Variants in IL1RAPL1 observed in about 807,000 individuals in gnomAD.
IL1RAPL1 encodes interleukin-1 receptor accessory protein-like 1.
In IL1RAPL1, 3 loss-of-function variants were observed where a neutral mutation model predicts 48.4. The ratio of observed to expected loss-of-function variants is 0.06; its 90% CI spans 0.03 to 0.16. The LOEUF (loss-of-function observed/expected upper bound fraction) is 0.16, where lower values mean the gene tolerates loss of function less well. IL1RAPL1 is among the 10% of genes least tolerant of loss of function. The pLI is 1.00. For synonymous variants in IL1RAPL1, 185 were observed against 187.7 expected (o/e 0.99, Z 0.12); for missense variants, 349 against 530.6 (o/e 0.66, Z 3.36).
At chrX:29,567,217 C>G (rs1337044066) in intron 5 of IL1RAPL1, among the ~76,000 whole-genome samples, 3 of 98,488 alleles carry the variant, frequency 3.0e-5, no homozygotes, top group Non-Finnish European at 4.2e-5. Flanking sequence ...AGACTACCTA[C>G]AAAAAAAAAA....
At chrX:29,849,045 G>A (rs183915655) in intron 6 of IL1RAPL1, among the ~76,000 whole-genome samples, 13 of 110,386 alleles carry the variant, frequency 1.2e-4, no homozygotes, top group African/African-American at 4.3e-4. Context: ...GGGGTTACAG[G>A]CATGAGCCAC....
intron 6 of IL1RAPL1, among the ~76,000 whole-genome samples, chrX:29,856,110 A>G (rs1311783599): frequency 8.9e-6 from 1 of 112,012 alleles, no homozygotes; most frequent in African/African-American, 3.2e-5. Context: ...CCATGAATTG[A>G]GAGTTTTGGT....
intron 2 of IL1RAPL1, among the ~76,000 whole-genome samples, chrX:28,810,853 A>C (rs1485528739): frequency 9.1e-6 from 1 of 110,101 alleles, no homozygotes; most frequent in Non-Finnish European, 1.9e-5. Context: ...GAGCTGTGTT[A>C]ATTATTCCTG....
At chrX:29,161,799 C>T (rs1050688003) in intron 2 of IL1RAPL1, among the ~76,000 whole-genome samples, 16 of 111,936 alleles carry the variant, frequency 1.4e-4, no homozygotes, top group African/African-American at 4.9e-4. Context: ...GACAGTGTGG[C>T]GATTCCTTAA....
At chrX:29,558,822 T>C (rs1193559593) in intron 5 of IL1RAPL1, among the ~76,000 whole-genome samples, 2 of 111,753 alleles carry the variant, frequency 1.8e-5, no homozygotes, top group Non-Finnish European at 3.8e-5. Context: ...AGCATGCTTG[T>C]TGAAGATCAG....
At position 29,641,127 on chromosome X, in the gene IL1RAPL1, C is replaced by T. The variant is rs190425468; in HGVS notation, c.704-27303C>T. On this transcript the variant is annotated intron_variant, in intron 5 of 10. Transcript: ENST00000378993. ...TCAAGGCTACAGTGAGTCACGATCG[C>T]GCCACTGCGCTCCAGCCTGGGCAAC... is the stretch of plus-strand genomic sequence containing the variant. 8.9e-5 allele frequency among the ~76,000 whole-genome samples: 10 copies of T among 112,334 alleles called. No individual in the cohort carries two copies. In the East Asian group the frequency reaches 1.4e-3, roughly 16 times the overall value.
At chrX:29,489,382 A>G (rs904087080) in intron 5 of IL1RAPL1, among the ~76,000 whole-genome samples, 17 of 112,154 alleles carry the variant, frequency 1.5e-4, no homozygotes, top group Non-Finnish European at 1.1e-4. Flanking sequence ...GGAATACAAG[A>G]CAAGTATTAA....
chrX:28,950,923 C>T (rs1924442848), intron 2 of IL1RAPL1, among the ~76,000 whole-genome samples: 1 of 106,852 alleles, frequency 9.4e-6, no homozygotes, highest in African/African-American at 3.4e-5. Context: ...ACATATACAC[C>T]ATGGAATACT....
chrX:29,385,235 A>T (rs760971061), intron 3 of IL1RAPL1, among the ~76,000 whole-genome samples: 18 of 112,092 alleles, frequency 1.6e-4, no homozygotes, highest in Non-Finnish European at 2.8e-4. Context: ...TGGGTGGATC[A>T]CCTGAGGTCG....
chrX:29,954,843 G>A, intron 10 of IL1RAPL1, 151 bp downstream of exon 10: 1 of 551,287 alleles, frequency 1.8e-6, no homozygotes, highest in Admixed American at 3.3e-5. Flanking sequence ...GTGTTCACAT[G>A]AAATTTAATT....
At chrX:29,036,965 A>G (rs1198780019) in intron 2 of IL1RAPL1, among the ~76,000 whole-genome samples, 1 of 112,055 alleles carries the variant, frequency 8.9e-6, no homozygotes, top group Non-Finnish European at 1.9e-5. Context: ...TGAAAGTGCT[A>G]CTATAAGAGC....
chrX:28,842,095 A>G (rs1369613848), intron 2 of IL1RAPL1, among the ~76,000 whole-genome samples: 16 of 109,833 alleles, frequency 1.5e-4, no homozygotes, highest in African/African-American at 4.9e-4. Flanking sequence ...CACCTCTCCC[A>G]TGATATTTAT....
intron 2 of IL1RAPL1, among the ~76,000 whole-genome samples, chrX:28,799,624 C>T (rs1456764460): frequency 1.8e-5 from 2 of 111,862 alleles, no homozygotes; most frequent in Non-Finnish European, 3.8e-5. Flanking sequence ...TGGTGTTTGA[C>T]ATGTAACACT....
intron 2 of IL1RAPL1, among the ~76,000 whole-genome samples, chrX:29,159,852 C>T (rs900799642): frequency 9.0e-6 from 1 of 111,705 alleles, no homozygotes; most frequent in South Asian, 3.7e-4. Context: ...GCTGGGATTA[C>T]AGGCAAGAGC....
rs773170703 is a variant in IL1RAPL1 at position 29,956,137 on chromosome X, T to G, written c.*317T>G. The G allele has an allele frequency of 2.2e-5, 6 of 267,195 alleles. No individual in the cohort carries two copies. The East Asian group carries it at 2.9e-4, about 13-fold the overall frequency. The allele number at this position is 267,195 out of a possible 1,213,427, so 22.0% of individuals were successfully genotyped here. A position where few individuals can be genotyped will look rare whatever the true frequency, so the allele number is the denominator to read the frequency against. ...TTTTTTTGCTTCATTAGTTTAGTTT[T>G]AGAATGGGTTTTTATTTTATTTCCT... On this transcript the variant is annotated 3_prime_UTR_variant, in exon 11 of 11. Transcript: ENST00000378993.
intron 6 of IL1RAPL1, among the ~76,000 whole-genome samples, chrX:29,914,704 C>G (rs1932784161): frequency 9.3e-6 from 1 of 106,974 alleles, no homozygotes; most frequent in African/African-American, 3.7e-5. Context: ...AAAACAAAAA[C>G]AAAAACAAAA....
intron 5 of IL1RAPL1, among the ~76,000 whole-genome samples, chrX:29,620,403 T>C (rs917995818): frequency 1.8e-5 from 2 of 111,591 alleles, no homozygotes; most frequent in Non-Finnish European, 3.8e-5. Flanking sequence ...CTGCACGGCA[T>C]GTTACTGTAC....
chrX:28,984,435 C>T (rs775494122), intron 2 of IL1RAPL1, among the ~76,000 whole-genome samples: 9 of 111,287 alleles, frequency 8.1e-5, no homozygotes, highest in Non-Finnish European at 1.5e-4. Flanking sequence ...CCACATAAAA[C>T]GACCTATAAG....
intron 2 of IL1RAPL1, among the ~76,000 whole-genome samples, chrX:29,196,901 T>C (rs1930454182): frequency 9.1e-6 from 1 of 110,466 alleles, no homozygotes; most frequent in Non-Finnish European, 1.9e-5. Flanking sequence ...AGCAATAATA[T>C]TGCATCCTGC....
Sources: gnomAD v4.1 joint callset for allele counts (sites outside exome capture counted in the v4.1 genomes callset) on GRCh38, gnomAD v4.1.1 for gene constraint, MANE v1.5 for transcripts, NCBI Gene and HGNC (gene_info 2026-07-23, HGNC 2026-07-21) for gene names.